The following RNF212B variants were observed in gnomAD, a reference collection of about 807,000 sequenced individuals.
The protein encoded by RNF212B is ring finger protein 212B, also known as E3 ubiquitin-protein ligase RNF212B.
A neutral mutation model predicts 55.5 loss-of-function variants in RNF212B; 52 were observed. That is an observed-to-expected ratio of 0.94 (90% CI 0.75 to 1.18). The LOEUF (loss-of-function observed/expected upper bound fraction) is 1.18, where lower values mean the gene tolerates loss of function less well. Among genes scored for constraint, RNF212B ranks in the 50% most tolerant of loss-of-function variants. The pLI is 0.00. For missense variants in RNF212B, 289 were observed against 350.4 expected (o/e 0.82, Z 1.40); for synonymous variants, 99 against 121.4 (o/e 0.82, Z 1.21).
intron 6 of RNF212B, 98 bp from the exon 7 acceptor site, chr14:23,260,561 G>A (rs1188322190): frequency 2.8e-6 from 3 of 1,086,502 alleles, no homozygotes; most frequent in Non-Finnish European, 1.4e-6. Context: ...CCATGACTAA[G>A]GGGCACTGAG....
chr14:23,230,522 C>T (rs1223085438), intron 2 of RNF212B, among the ~76,000 whole-genome samples: 4 of 151,764 alleles, frequency 2.6e-5, no homozygotes, highest in African/African-American at 7.2e-5. Context: ...GGTGTGGTGG[C>T]GGGGGCCTGT....
chr14:23,233,735 C>T (rs1247834810), upstream of RNF212B, among the ~76,000 whole-genome samples: 7 of 127,268 alleles, frequency 5.5e-5, no homozygotes, highest in Non-Finnish European at 9.8e-5. Context: ...GAGTGAGACC[C>T]TGTCTCAAAA....
chr14:23,260,649 T>G lies in RNF212B; in HGVS notation c.406-10T>G. On this transcript the variant is annotated splice_polypyrimidine_tract_variant and intron_variant, in intron 6 of 14. Transcript: ENST00000430154. Reference sequence around the variant, plus strand: ...GCAGCTTTCTTCACTCCTGGTTTTTTCACCTATAGGAATCTCCAAGTCGGT... The same window carrying G: ...GCAGCTTTCTTCACTCCTGGTTTTTGCACCTATAGGAATCTCCAAGTCGGT... 5 of 1,550,474 alleles carry G rather than the reference T, an allele frequency of 3.2e-6. No individual in the cohort carries two copies. The highest frequency in any genetic ancestry group is 4.4e-6 in the Non-Finnish European group (5 of 1,146,890).
intron 2 of RNF212B, among the ~76,000 whole-genome samples, chr14:23,199,151 G>C (rs1879029273): frequency 6.6e-6 from 1 of 152,184 alleles, no homozygotes; most frequent in Non-Finnish European, 1.5e-5. Context: ...ACATGTGTCC[G>C]TGACAGCCTC....
chr14:23,236,905 T>C (rs947087693), upstream of RNF212B, among the ~76,000 whole-genome samples: 24 of 150,870 alleles, frequency 1.6e-4, no homozygotes, highest in Non-Finnish European at 8.8e-5. Flanking sequence ...GTTGTTTCAT[T>C]GTTATCTAGA....
chr14:23,208,970 G>C (rs1169912960), intron 2 of RNF212B, among the ~76,000 whole-genome samples: 5 of 151,600 alleles, frequency 3.3e-5, no homozygotes, highest in African/African-American at 1.2e-4. Flanking sequence ...GTGTTAGCCG[G>C]GATGGTCTCG....
intron 10 of RNF212B, 67 bp downstream of exon 10, chr14:23,264,301 C>A: frequency 1.6e-6 from 2 of 1,284,370 alleles, no homozygotes; most frequent in South Asian, 1.3e-5. Context: ...AAAGGTTTAT[C>A]AAGAACTTAA....
intron 1 of RNF212B, among the ~76,000 whole-genome samples, chr14:23,187,843 G>T (rs1877743943): frequency 6.6e-6 from 1 of 151,980 alleles, no homozygotes; most frequent in Non-Finnish European, 1.5e-5. Context: ...ACTGCCTATG[G>T]TCGATTAGAT....
At chr14:23,232,786 G>C (rs571022247) in intron 2 of RNF212B, among the ~76,000 whole-genome samples, 1 of 124,170 alleles carries the variant, frequency 8.1e-6, no homozygotes, top group Non-Finnish European at 1.6e-5. Context: ...GAGGGAGGTG[G>C]GGGGGGGGTC....
At chr14:23,269,642 G>T (rs1449203552) in intron 12 of RNF212B, among the ~76,000 whole-genome samples, 3 of 151,666 alleles carry the variant, frequency 2.0e-5, no homozygotes, top group African/African-American at 7.3e-5. Flanking sequence ...AGTTTAGGAA[G>T]TCAAGGCTGC....
At chr14:23,261,111 T>G (rs2140473666) in intron 7 of RNF212B, among the ~76,000 whole-genome samples, 1 of 152,270 alleles carries the variant, frequency 6.6e-6, no homozygotes, top group South Asian at 2.1e-4. Context: ...GACCTCACAT[T>G]CTGTATTTGT....
At chr14:23,271,813 AAAAT>A (rs745955804) in intron 14 of RNF212B, among the ~76,000 whole-genome samples, 19 of 152,374 alleles carry the variant, frequency 1.2e-4, no homozygotes, top group East Asian at 3.9e-4. Context: ...AGCTGTAAAA[AAAAT>A]AAATAAAACA....
chr14:23,197,459 G>A (rs568905898), intron 2 of RNF212B, among the ~76,000 whole-genome samples: 206 of 152,214 alleles, frequency 1.4e-3, no homozygotes, highest in Middle Eastern at 6.8e-3. Context: ...CCCGGGAGGC[G>A]GAGGTTGCAG....
intron 2 of RNF212B, among the ~76,000 whole-genome samples, chr14:23,224,088 C>T (rs1352403180): frequency 1.3e-5 from 2 of 152,038 alleles, no homozygotes; most frequent in Non-Finnish European, 2.9e-5. Context: ...TTGAGGAGAA[C>T]ACACATACAC....
chr14:23,263,028 T>C (rs920212067), intron 9 of RNF212B, 58 bp downstream of exon 9: 1 of 1,424,348 alleles, frequency 7.0e-7, no homozygotes, highest in Non-Finnish European at 9.7e-7. Context: ...AGAAGAAATA[T>C]CTAGTTGTAG....
intron 4 of RNF212B, among the ~76,000 whole-genome samples, chr14:23,257,125 C>T (rs1434656893): frequency 6.6e-6 from 1 of 151,860 alleles, no homozygotes; most frequent in African/African-American, 2.4e-5. Flanking sequence ...TGCACTCCAG[C>T]CTGGGCGACA....
rs543892764 is a variant in RNF212B, at chr14:23,251,041, G to A, written c.228+6645G>A. On this transcript the variant is annotated intron_variant, in intron 4 of 14. Transcript: ENST00000430154. ...TTTCCCTTTAGCTTAGTGATTTGGG[G>A]GGTCCAACATATTTTCCTTTGACAC... Among the ~76,000 whole-genome samples, 3 of 152,212 alleles carry A rather than the reference G, an allele frequency of 2.0e-5. No individual in the cohort carries two copies. The East Asian group carries it at 5.8e-4, about 29-fold the overall frequency.
chr14:23,232,648 G>A (rs919297264), intron 2 of RNF212B, among the ~76,000 whole-genome samples: 1 of 151,118 alleles, frequency 6.6e-6, no homozygotes, highest in Admixed American at 6.6e-5. Flanking sequence ...GAGTTGGGGG[G>A]TCAGCCCCCA....
intron 2 of RNF212B, among the ~76,000 whole-genome samples, chr14:23,220,815 A>G (rs942571162): frequency 1.3e-5 from 2 of 151,148 alleles, no homozygotes; most frequent in Non-Finnish European, 2.9e-5. Context: ...ACAGAGCAAG[A>G]CTCCATCAAA....
Sources: allele counts gnomAD v4.1 joint callset (sites outside exome capture counted in the v4.1 genomes callset), GRCh38; gene constraint gnomAD v4.1.1; transcripts MANE v1.5; gene names NCBI Gene and HGNC (gene_info 2026-07-23, HGNC 2026-07-21).